DSCAM: variants seen among roughly 807,000 people sequenced by gnomAD.
DSCAM encodes the protein cell adhesion molecule DSCAM.
DSCAM carries 47 observed loss-of-function variants against 217.7 expected under a neutral mutation model. The ratio of observed to expected loss-of-function variants is 0.22; its 90% confidence interval spans 0.17 to 0.28. DSCAM has a LOEUF of 0.28. DSCAM is among the 10% of genes least tolerant of loss of function. The pLI, the probability that DSCAM is intolerant of heterozygous loss-of-function variation, is 1.00. For synonymous variants in DSCAM, 1,056 were observed against 1,015.3 expected (o/e 1.04, Z -0.76); for missense variants, 2,080 against 2,618.3 (o/e 0.79, Z 4.49).
intron 2 of DSCAM, among the ~76,000 whole-genome samples, chr21:40,702,254 G>T (rs1044054626): frequency 1.3e-5 from 2 of 152,226 alleles, no homozygotes; most frequent in African/African-American, 4.8e-5. Context: ...GGTGATACCT[G>T]CCATTATGCA....
chr21:40,322,956 A>G (rs1191544328), intron 8 of DSCAM, among the ~76,000 whole-genome samples: 1 of 152,118 alleles, frequency 6.6e-6, no homozygotes, highest in Admixed American at 6.5e-5. Context: ...ACATGTTACC[A>G]CCAATTCATG....
chr21:40,638,550 A>G (rs1463723374), intron 3 of DSCAM, among the ~76,000 whole-genome samples: 1 of 152,194 alleles, frequency 6.6e-6, no homozygotes, highest in Non-Finnish European at 1.5e-5. Context: ...AGACAGTCAC[A>G]ATTCTGTGCA....
At chr21:40,606,029 G>A (rs1355509586) in intron 3 of DSCAM, among the ~76,000 whole-genome samples, 1 of 151,942 alleles carries the variant, frequency 6.6e-6, no homozygotes, top group East Asian at 1.9e-4. Context: ...TCAAACTCCT[G>A]AACTCAGGCG....
At chr21:40,603,925 C>CTTTTTTTTTTT (rs3070814) in intron 3 of DSCAM, among the ~76,000 whole-genome samples, 3 of 97,298 alleles carry the variant, frequency 3.1e-5, no homozygotes, top group Admixed American at 1.2e-4. Flanking sequence ...TTTTGCATTT[C>CTTTTTTTTTTT]TTTTTTTTTT....
chr21:40,602,321 A>C (rs2077068584), intron 3 of DSCAM, among the ~76,000 whole-genome samples: 2 of 152,290 alleles, frequency 1.3e-5, no homozygotes, highest in East Asian at 3.9e-4. Flanking sequence ...GCGGCTTCTC[A>C]AAGTGCTGAG....
intron 16 of DSCAM, among the ~76,000 whole-genome samples, chr21:40,152,498 C>T (rs1317610320): frequency 6.6e-6 from 1 of 152,188 alleles, no homozygotes; most frequent in Non-Finnish European, 1.5e-5. Flanking sequence ...ATGCTCTCTC[C>T]CCCTTCCTAG....
At chr21:40,745,218 A>C (rs1601202511) in intron 1 of DSCAM, among the ~76,000 whole-genome samples, 1 of 152,168 alleles carries the variant, frequency 6.6e-6, no homozygotes, top group Non-Finnish European at 1.5e-5. Context: ...ATAAAAGAGA[A>C]AAAGTTCTAG....
intron 3 of DSCAM, among the ~76,000 whole-genome samples, chr21:40,654,493 T>A (rs1049232173): frequency 1.3e-5 from 2 of 152,200 alleles, no homozygotes; most frequent in African/African-American, 4.8e-5. Context: ...TGGCACAAAA[T>A]AACACAAATT....
At chr21:40,266,420 A>G (rs912024701) in intron 11 of DSCAM, among the ~76,000 whole-genome samples, 1 of 152,002 alleles carries the variant, frequency 6.6e-6, no homozygotes, top group East Asian at 1.9e-4. Context: ...AATTAGCACA[A>G]TCTCTACAGA....
At position 40,339,197 on chromosome 21, in the gene DSCAM, G is replaced by C; in HGVS notation, c.1429C>G (p.Arg477Gly). 1 of 1,614,148 alleles carries C rather than the reference G, an allele frequency of 6.2e-7. No individual in the cohort carries two copies. The highest frequency in any genetic ancestry group is 8.5e-7 in the Non-Finnish European group (1 of 1,180,026). Reference protein sequence around the residue: ...SYLNISSSQVRDGGVYRCTAN... With the variant: ...SYLNISSSQVGDGGVYRCTAN... ...GTGCAGCGGTAGACTCCCCCGTCCCGGACCTGGGAGCTGGAGATGTTCAGG... is the reference window on the plus strand; with the variant it reads ...GTGCAGCGGTAGACTCCCCCGTCCCCGACCTGGGAGCTGGAGATGTTCAGG... The change falls in exon 7 of 33, where the codon CGG (arginine) becomes GGG (glycine). Residue 477 changes from arginine (R) to glycine (G), a missense_variant. Arg to Gly is a moderately radical substitution (Grantham distance 125). This residue lies in a region of DSCAM where 568 missense variants were observed against 678.1 expected (regional missense o/e 0.84). Coordinates refer to ENST00000400454, the MANE Select transcript of DSCAM (RefSeq NM_001389.5).
intron 18 of DSCAM, among the ~76,000 whole-genome samples, chr21:40,136,763 C>G (rs1469328495): frequency 6.6e-6 from 1 of 152,098 alleles, no homozygotes; most frequent in East Asian, 1.9e-4. Context: ...TAGGAGAAAG[C>G]TGTGACCCTC....
chr21:40,150,757 T>A (rs1022742513), intron 16 of DSCAM, among the ~76,000 whole-genome samples: 1 of 152,222 alleles, frequency 6.6e-6, no homozygotes, highest in Admixed American at 6.5e-5. Context: ...GCTTGGAGCA[T>A]GTGTCTACTA....
In DSCAM at chr21:40,353,791, T is replaced by C; in HGVS notation, c.656-48A>G. ...TAGAGGCAGGAATGAGGAGTTGAAG[T>C]GGTCATTTAGAATTGTAGGACTTCA... On this transcript the variant is annotated intron_variant, in intron 4 of 32. Transcript: ENST00000400454. 2.8e-6 allele frequency: 4 copies of C among 1,442,906 alleles called. No homozygotes were observed. The South Asian group carries it at 6.0e-5, about 22-fold the overall frequency. 89.4% of individuals were successfully genotyped at this position (1,442,906 alleles called of 1,614,324 possible). A position where few individuals can be genotyped will look rare whatever the true frequency, so the allele number is the denominator to read the frequency against.
chr21:40,537,132 A>G (rs1251967379), intron 3 of DSCAM, among the ~76,000 whole-genome samples: 1 of 152,186 alleles, frequency 6.6e-6, no homozygotes, highest in African/African-American at 2.4e-5. Context: ...CCACAGAGAT[A>G]CCCATGAAAG....
intron 1 of DSCAM, among the ~76,000 whole-genome samples, chr21:40,752,921 G>A (rs528578321): frequency 1.3e-5 from 2 of 152,280 alleles, no homozygotes; most frequent in African/African-American, 4.8e-5. Context: ...TTGAATGAAT[G>A]AAGTAATAGA....
intron 3 of DSCAM, among the ~76,000 whole-genome samples, chr21:40,628,722 TATCTATCTATCTATCTATCTATCTATC>T (rs1297607795): frequency 1.4e-5 from 2 of 144,434 alleles, no homozygotes; most frequent in Admixed American, 6.9e-5. Context: ...TCTATCTATC[TATCTATCTATCTATCTATCTATCTATC>T]TTTTCTTGTG....
At chr21:40,714,491 T>C (rs1273813002) in intron 1 of DSCAM, among the ~76,000 whole-genome samples, 1 of 152,184 alleles carries the variant, frequency 6.6e-6, no homozygotes, top group Non-Finnish European at 1.5e-5. Flanking sequence ...TTATCCAGCT[T>C]TAAACTTAAG....
At chr21:40,662,475 T>C (rs753774520) in intron 3 of DSCAM, among the ~76,000 whole-genome samples, 5 of 152,188 alleles carry the variant, frequency 3.3e-5, no homozygotes, top group Non-Finnish European at 7.3e-5. Context: ...AACACTCTTC[T>C]CCCAACAAGC....
intron 3 of DSCAM, among the ~76,000 whole-genome samples, chr21:40,392,502 C>T (rs765311): frequency 0.67 from 102,622 of 152,090 alleles, 35,499 homozygotes; most frequent in African/African-American, 0.82. Context: ...AACTAACCAA[C>T]ACGACGTAGA....
Sources: allele counts gnomAD v4.1 joint callset (sites outside exome capture counted in the v4.1 genomes callset), GRCh38; gene constraint gnomAD v4.1.1; regional missense constraint gnomAD v4.1.1; transcripts MANE v1.5; gene names NCBI Gene and HGNC (gene_info 2026-07-23, HGNC 2026-07-21).